TSPAN14: variants seen among roughly 807,000 people sequenced by gnomAD.
The protein encoded by TSPAN14 is tetraspanin 14, also known as tetraspanin-14.
In TSPAN14, 16 loss-of-function variants were observed where a neutral mutation model predicts 36.6. The ratio of observed to expected loss-of-function variants is 0.44; its 90% CI spans 0.30 to 0.66. The LOEUF (loss-of-function observed/expected upper bound fraction) is 0.66, where lower values mean the gene tolerates loss of function less well. TSPAN14 is among the 30% of genes least tolerant of loss of function. TSPAN14 has a pLI of 0.12. For missense variants in TSPAN14, 231 were observed against 355.1 expected (o/e 0.65, Z 2.81); for synonymous variants, 139 against 143.8 (o/e 0.97, Z 0.24).
At chr10:80,510,560 T>C (rs1054463049) in intron 5 of TSPAN14, among the ~76,000 whole-genome samples, 2 of 152,222 alleles carry the variant, frequency 1.3e-5, no homozygotes, top group Non-Finnish European at 2.9e-5. Context: ...GTTTTCTGCA[T>C]TGACTTCTTT....
chr10:80,468,797 C>G (rs889517292), intron 1 of TSPAN14: 1 of 145,572 alleles, frequency 6.9e-6, no homozygotes, highest in African/African-American at 2.5e-5. Flanking sequence ...CACCCTTTAT[C>G]TCCTGGGTTC....
At chr10:80,461,801 G>A (rs558716596) in intron 1 of TSPAN14, among the ~76,000 whole-genome samples, 1 of 152,238 alleles carries the variant, frequency 6.6e-6, no homozygotes, top group East Asian at 1.9e-4. Flanking sequence ...AGGATTGTGG[G>A]ATTACAGGCA....
intron 1 of TSPAN14, among the ~76,000 whole-genome samples, chr10:80,480,237 A>G (rs1402949394): frequency 1.3e-5 from 2 of 151,100 alleles, no homozygotes; most frequent in Non-Finnish European, 2.9e-5. Context: ...TGTCATCTGC[A>G]AACAGGGACA....
At chr10:80,512,379 G>A in intron 6 of TSPAN14, 110 bp downstream of exon 6, 1 of 1,462,666 alleles carries the variant, frequency 6.8e-7, no homozygotes, top group Non-Finnish European at 9.1e-7. Context: ...GGTCTGAGGA[G>A]CAGGTGTGCT....
Position 80,509,239 on chromosome 10 carries a change from A to T in TSPAN14, c.280-62A>T. 2 of 1,549,022 alleles carry T rather than the reference A, an allele frequency of 1.3e-6. No individual in the cohort carries two copies. Among genetic ancestry groups the T allele is most frequent in the South Asian group, 1.2e-5 (1 of 83,534 alleles). On this transcript the variant is annotated intron_variant, in intron 4 of 8. Coordinates refer to ENST00000429989, the Ensembl canonical transcript of TSPAN14. The surrounding 1 kb of genome is among the most constrained non-coding windows in gnomAD (Gnocchi z 4.7). Reference sequence around the variant, plus strand: ...TGGTGGTTCTGGGTCAGGTGGGGTTATGTGTGTGGGGGTGCAGGCTGGTGG... The same window carrying T: ...TGGTGGTTCTGGGTCAGGTGGGGTTTTGTGTGTGGGGGTGCAGGCTGGTGG...
At chr10:80,518,306 C>T (rs1841058020) in exon 9 of TSPAN14, 5 of 392,144 alleles carry the variant, frequency 1.3e-5, no homozygotes, top group South Asian at 1.1e-4. Context: ...GCAGCTCAAG[C>T]ATGTCTGCAG....
chr10:80,510,504 C>T (rs1051646489), intron 5 of TSPAN14, among the ~76,000 whole-genome samples: 3 of 152,210 alleles, frequency 2.0e-5, no homozygotes, highest in African/African-American at 7.2e-5. Flanking sequence ...TGCCTGGTCT[C>T]AGCATGCTAG....
chr10:80,459,794 G>A (rs1332598226), intron 1 of TSPAN14, among the ~76,000 whole-genome samples: 2 of 152,174 alleles, frequency 1.3e-5, no homozygotes, highest in South Asian at 2.1e-4. Flanking sequence ...TTTGTACCCC[G>A]AGGTCTGAGT....
At chr10:80,475,968 CA>C (rs1846854836) in intron 1 of TSPAN14, among the ~76,000 whole-genome samples, 1 of 152,330 alleles carries the variant, frequency 6.6e-6, no homozygotes, top group East Asian at 1.9e-4. Flanking sequence ...TGCCAAAATC[CA>C]TAGATGCTCA....
intron 1 of TSPAN14, 135 bp from the exon 2 acceptor site, chr10:80,489,082 C>T: frequency 1.6e-6 from 1 of 610,534 alleles, no homozygotes; most frequent in Non-Finnish European, 2.9e-6. Context: ...GCCTTGGTAT[C>T]AGGCCTCTGC....
chr10:80,480,783 G>A (rs776085064), intron 1 of TSPAN14, among the ~76,000 whole-genome samples: 8 of 152,190 alleles, frequency 5.3e-5, no homozygotes, highest in African/African-American at 9.6e-5. Flanking sequence ...ACTGTTGTGC[G>A]GTGGGGGGAG....
chr10:80,474,304 C>T (rs1368225550), intron 1 of TSPAN14, among the ~76,000 whole-genome samples: 4 of 151,216 alleles, frequency 2.6e-5, no homozygotes, highest in African/African-American at 9.8e-5. Flanking sequence ...GTATGTAGCT[C>T]AGGATATGGG....
chr10:80,474,510 A>C (rs914526480), intron 1 of TSPAN14, among the ~76,000 whole-genome samples: 18 of 150,232 alleles, frequency 1.2e-4, no homozygotes, highest in African/African-American at 4.4e-4. Context: ...GAGTTTAGGA[A>C]AGCTCCTGAG....
chr10:80,507,465 G>A (rs1053538310), intron 4 of TSPAN14, 91 bp downstream of exon 4: 14 of 1,559,578 alleles, frequency 9.0e-6, no homozygotes, highest in Non-Finnish European at 1.2e-5. Context: ...CAGAGCAGGT[G>A]GCAGCTCTTA....
intron 8 of TSPAN14, among the ~76,000 whole-genome samples, chr10:80,517,332 A>AG (rs1383748081): frequency 2.0e-5 from 3 of 152,234 alleles, no homozygotes; most frequent in African/African-American, 7.2e-5. Context: ...AAGAATTTAA[A>AG]GGGAAAAAAA....
chr10:80,473,685 G>T (rs111867730), intron 1 of TSPAN14, among the ~76,000 whole-genome samples: 32 of 131,034 alleles, frequency 2.4e-4, no homozygotes, highest in African/African-American at 6.9e-4. Context: ...ACCATGATGG[G>T]TTTTTTTTTT....
intron 2 of TSPAN14, among the ~76,000 whole-genome samples, chr10:80,492,191 C>CT (rs975000201): frequency 9.2e-5 from 14 of 151,614 alleles, no homozygotes; most frequent in Non-Finnish European, 1.8e-4. Context: ...GATAAGTTTT[C>CT]TTTTTTTTTA....
rs897078318 is a variant in TSPAN14 at position 80,479,320 on chromosome 10, G to T, written c.-17-9897G>T. 7.5e-4 allele frequency among the ~76,000 whole-genome samples: 113 copies of T among 150,990 alleles called. 1 individual carries two copies. In the South Asian group the frequency reaches 0.018, roughly 25 times the overall value. ...AATTAGATCCCATTTGTCAATTTTG[G>T]CTTTTGTTGCCATTGCTTTTGGTGT... is the stretch of plus-strand genomic sequence containing the variant. On this transcript the variant is annotated intron_variant, in intron 1 of 8. Coordinates refer to ENST00000429989, the Ensembl canonical transcript of TSPAN14.
intron 6 of TSPAN14, among the ~76,000 whole-genome samples, chr10:80,513,015 C>T (rs945599475): frequency 6.6e-6 from 1 of 152,226 alleles, no homozygotes; most frequent in Admixed American, 6.5e-5. Context: ...TCTCCAGCCT[C>T]AACCTCCCAA....
Sources: allele counts gnomAD v4.1 joint callset (sites outside exome capture counted in the v4.1 genomes callset), GRCh38; gene constraint gnomAD v4.1.1; non-coding constraint Gnocchi (gnomAD v3.1); transcripts MANE v1.5; gene names NCBI Gene and HGNC (gene_info 2026-07-23, HGNC 2026-07-21).